The following ZDHHC14 variants were observed in gnomAD, a reference collection of about 807,000 sequenced individuals.
ZDHHC14 encodes the protein palmitoyltransferase ZDHHC14.
ZDHHC14 carries 16 observed loss-of-function variants against 47.7 expected under a neutral mutation model. The observed-to-expected ratio is 0.34, with a 90% CI of 0.23 to 0.51. The LOEUF is 0.51. ZDHHC14 is among the 20% of genes least tolerant of loss of function. ZDHHC14 has a pLI of 0.97. For missense variants in ZDHHC14, 515 were observed against 662.5 expected (o/e 0.78, Z 2.44); for synonymous variants, 293 against 278.9 (o/e 1.05, Z -0.50).
chr6:157,484,787 G>A (rs147116460), intron 1 of ZDHHC14, among the ~76,000 whole-genome samples: 204 of 152,140 alleles, frequency 1.3e-3, no homozygotes, highest in African/African-American at 4.7e-3. Context: ...AAACACAATT[G>A]AAGAAAACCA....
chr6:157,629,578 A>G (rs749091803), intron 4 of ZDHHC14: 4 of 152,234 alleles, frequency 2.6e-5, no homozygotes, highest in Non-Finnish European at 5.9e-5. Context: ...CTTTTTGAAT[A>G]TTAGTCAAAT....
chr6:157,556,506 G>A (rs1039468089), intron 2 of ZDHHC14, among the ~76,000 whole-genome samples: 1 of 152,264 alleles, frequency 6.6e-6, no homozygotes, highest in African/African-American at 2.4e-5. Context: ...TGCCCTCACT[G>A]TGCTGTTTGG....
chr6:157,445,461 C>T lies in ZDHHC14; in HGVS notation c.245+63195C>T, dbSNP rs142135561. Among the ~76,000 whole-genome samples the T allele has an allele frequency of 1.6e-4, 24 of 152,278 alleles. 1 individual carries two copies. The East Asian group carries it at 4.2e-3, about 27-fold the overall frequency. On this transcript the variant is annotated intron_variant, in intron 1 of 8. Coordinates refer to ENST00000359775, the MANE Select transcript of ZDHHC14 (RefSeq NM_024630.3). ...CCATGTCATGCAGTTAGTTGTCTGT[C>T]CAAAACAGTTTCTATTTTTAAAGCA...
intron 5 of ZDHHC14, among the ~76,000 whole-genome samples, chr6:157,635,465 A>G (rs1164754014): frequency 6.6e-6 from 1 of 152,116 alleles, no homozygotes; most frequent in Non-Finnish European, 1.5e-5. Context: ...TCATTTCTTA[A>G]CCCTTTTGTG....
At chr6:157,656,719 C>CAAAAAAAAAAAAA (rs35815142) in intron 8 of ZDHHC14, among the ~76,000 whole-genome samples, 1 of 106,422 alleles carries the variant, frequency 9.4e-6, no homozygotes, top group Non-Finnish European at 1.8e-5. Context: ...AAAAAAAAAA[C>CAAAAAAAAAAAAA]AAAAAAAAAA....
chr6:157,432,767 G>A (rs948347909), intron 1 of ZDHHC14, among the ~76,000 whole-genome samples: 4 of 152,146 alleles, frequency 2.6e-5, no homozygotes, highest in East Asian at 1.9e-4. Flanking sequence ...CCACTGACAC[G>A]AGCCACCTGT....
At position 157,601,877 on chromosome 6, in the gene ZDHHC14, G is replaced by A. The variant is rs533743555; in HGVS notation, c.565+8731G>A. Among the ~76,000 whole-genome samples, 19 of 152,304 alleles carry A rather than the reference G, an allele frequency of 1.2e-4. No homozygotes were observed. The South Asian group carries it at 1.9e-3, about 15-fold the overall frequency. On this transcript the variant is annotated intron_variant, in intron 3 of 8. Coordinates refer to ENST00000359775, the MANE Select transcript of ZDHHC14 (RefSeq NM_024630.3). ...AAATGCACCATTCTTGGTAGGCAGCGTCTTCATTCTGGCTGGGGAAGGCAG... is the reference window on the plus strand; with the variant it reads ...AAATGCACCATTCTTGGTAGGCAGCATCTTCATTCTGGCTGGGGAAGGCAG...
intron 3 of ZDHHC14, among the ~76,000 whole-genome samples, chr6:157,625,039 G>A (rs1435924936): frequency 2.6e-5 from 4 of 152,154 alleles, no homozygotes; most frequent in South Asian, 2.1e-4. Flanking sequence ...TCAGGAGCCC[G>A]CTCCCACAAT....
chr6:157,562,214 A>C (rs1180841028), intron 2 of ZDHHC14, among the ~76,000 whole-genome samples: 1 of 152,082 alleles, frequency 6.6e-6, no homozygotes, highest in Non-Finnish European at 1.5e-5. Flanking sequence ...AAGAGAGAGG[A>C]AGGGCCTATA....
chr6:157,526,010 C>T, intron 1 of ZDHHC14, among the ~76,000 whole-genome samples: 1 of 152,214 alleles, frequency 6.6e-6, no homozygotes, highest in South Asian at 2.1e-4. Flanking sequence ...CCACTGAACT[C>T]TGAACCAAAC....
At chr6:157,428,501 A>G (rs1015655723) in intron 1 of ZDHHC14, among the ~76,000 whole-genome samples, 1 of 152,146 alleles carries the variant, frequency 6.6e-6, no homozygotes, top group East Asian at 1.9e-4. Flanking sequence ...GTCATCTTAC[A>G]TAAAAGGGTA....
At chr6:157,644,355 G>C (rs1346609438) in intron 5 of ZDHHC14, among the ~76,000 whole-genome samples, 1 of 152,228 alleles carries the variant, frequency 6.6e-6, no homozygotes. Flanking sequence ...TGTGCACACA[G>C]AGCCCCCACT....
chr6:157,449,813 C>T (rs1003487225), intron 1 of ZDHHC14, among the ~76,000 whole-genome samples: 5 of 152,192 alleles, frequency 3.3e-5, no homozygotes, highest in African/African-American at 1.2e-4. Flanking sequence ...TTAGTAACCT[C>T]AGGCAAACTG....
At chr6:157,462,312 A>C (rs915822427) in intron 1 of ZDHHC14, among the ~76,000 whole-genome samples, 1 of 152,146 alleles carries the variant, frequency 6.6e-6, no homozygotes, top group African/African-American at 2.4e-5. Context: ...TTTTCTAGTG[A>C]GATTCACTGT....
intron 2 of ZDHHC14, among the ~76,000 whole-genome samples, chr6:157,566,816 A>G (rs1582951894): frequency 6.6e-6 from 1 of 151,430 alleles, no homozygotes; most frequent in Non-Finnish European, 1.5e-5. Context: ...CATCAACCCA[A>G]TGACCACAAC....
intron 3 of ZDHHC14, among the ~76,000 whole-genome samples, chr6:157,603,158 C>T (rs1345438951): frequency 6.6e-6 from 1 of 152,198 alleles, no homozygotes; most frequent in Non-Finnish European, 1.5e-5. Context: ...GTGAGGAATC[C>T]AGCCATCTCT....
intron 1 of ZDHHC14, among the ~76,000 whole-genome samples, chr6:157,421,041 A>C (rs1778090891): frequency 6.6e-6 from 1 of 152,104 alleles, no homozygotes; most frequent in Non-Finnish European, 1.5e-5. Context: ...TACCTTTTTT[A>C]GTAAGGCACT....
At chr6:157,425,393 A>G (rs1054372154) in intron 1 of ZDHHC14, among the ~76,000 whole-genome samples, 3 of 152,220 alleles carry the variant, frequency 2.0e-5, no homozygotes, top group African/African-American at 7.2e-5. Flanking sequence ...GTATAGGCAT[A>G]TCATATGCAA....
At chr6:157,431,093 T>C (rs1583638701) in intron 1 of ZDHHC14, among the ~76,000 whole-genome samples, 2 of 152,206 alleles carry the variant, frequency 1.3e-5, no homozygotes, top group African/African-American at 4.8e-5. Flanking sequence ...GGACACAAGG[T>C]GAAAGGAACG....
Sources: gnomAD v4.1 joint callset for allele counts (sites outside exome capture counted in the v4.1 genomes callset) on GRCh38, gnomAD v4.1.1 for gene constraint, MANE v1.5 for transcripts, NCBI Gene and HGNC (gene_info 2026-07-23, HGNC 2026-07-21) for gene names.